BRD10: variants seen among roughly 807,000 people sequenced by gnomAD.
BRD10 encodes uncharacterized bromodomain-containing protein 10.
At chr9:5,911,341 T>A in the BRD10 span, among the ~76,000 whole-genome samples, 2 of 151,812 alleles carry the variant, frequency 1.3e-5, no homozygotes, top group African/African-American at 2.4e-5. Flanking sequence ...TTGTTGAAAA[T>A]GAGCTCACTG....
chr9:5,895,516 A>C, the BRD10 span, among the ~76,000 whole-genome samples: 1 of 152,224 alleles, frequency 6.6e-6, no homozygotes, highest in Non-Finnish European at 1.5e-5. Flanking sequence ...GGAATGAAGA[A>C]GAATGATGCA....
chr9:5,923,092 A>T, the BRD10 span: 1 of 1,614,002 alleles, frequency 6.2e-7, no homozygotes, highest in Non-Finnish European at 8.5e-7. Context: ...CAATCTGCAC[A>T]TCACTTTCTA....
the BRD10 span, chr9:5,881,461 C>G: frequency 6.6e-6 from 1 of 152,290 alleles, no homozygotes; most frequent in Non-Finnish European, 1.5e-5. Context: ...ACTTTCCTAA[C>G]CCCTTTAGTT....
At chr9:5,932,657 G>T in the BRD10 span, among the ~76,000 whole-genome samples, 1 of 152,018 alleles carries the variant, frequency 6.6e-6, no homozygotes, top group Admixed American at 6.6e-5. Flanking sequence ...TATGAAGGTG[G>T]GGTCCTGGAA....
At chr9:5,983,418 T>C in the BRD10 span, among the ~76,000 whole-genome samples, 3 of 152,168 alleles carry the variant, frequency 2.0e-5, no homozygotes, top group African/African-American at 7.2e-5. Context: ...CAATGTCTAA[T>C]TTCCAATAAA....
chr9:5,965,038 C>T, the BRD10 span, among the ~76,000 whole-genome samples: 2 of 134,188 alleles, frequency 1.5e-5, no homozygotes, highest in Non-Finnish European at 3.2e-5. Context: ...CACATGTACC[C>T]TAAAACTTAA....
At chr9:5,989,157 A>C in the BRD10 span, among the ~76,000 whole-genome samples, 1 of 143,540 alleles carries the variant, frequency 7.0e-6, no homozygotes, top group South Asian at 2.4e-4. Flanking sequence ...TTGAACCAGG[A>C]GGAGGCAGAG....
chr9:5,922,284 A>T, the BRD10 span: 1 of 1,613,842 alleles, frequency 6.2e-7, no homozygotes, highest in Admixed American at 1.7e-5. Context: ...GTTGTTGTTG[A>T]TGACAGAGGC....
chr9:5,983,290 AG>A, the BRD10 span, among the ~76,000 whole-genome samples: 2 of 152,192 alleles, frequency 1.3e-5, no homozygotes, highest in African/African-American at 2.4e-5. Context: ...ACCCTAAAAC[AG>A]CTTAAAACCT....
At chr9:5,913,453 A>G in the BRD10 span, among the ~76,000 whole-genome samples, 2 of 152,240 alleles carry the variant, frequency 1.3e-5, no homozygotes, top group African/African-American at 4.8e-5. Context: ...AGAAGGAAAT[A>G]ATGGGTTGTT....
the BRD10 span, among the ~76,000 whole-genome samples, chr9:5,987,345 A>G: frequency 6.6e-6 from 1 of 152,286 alleles, no homozygotes; most frequent in South Asian, 2.1e-4. Context: ...GGTGGTGACC[A>G]GTAGTGGAGA....
the BRD10 span, among the ~76,000 whole-genome samples, chr9:5,906,454 T>C: frequency 6.6e-6 from 1 of 152,276 alleles, no homozygotes. Context: ...TTTCTTTTTC[T>C]CTAAAGAACT....
At chr9:5,893,561 G>A in the BRD10 span, among the ~76,000 whole-genome samples, 4 of 152,052 alleles carry the variant, frequency 2.6e-5, no homozygotes, top group South Asian at 6.2e-4. Context: ...TGAGGGCGGC[G>A]GTATCTTCTC....
the BRD10 span, among the ~76,000 whole-genome samples, chr9:5,930,369 T>TTATATATA: frequency 3.6e-4 from 49 of 135,530 alleles, no homozygotes; most frequent in East Asian, 9.2e-3. Context: ...TATAAGGAGA[T>TTATATATA]TATATATATA....
At chr9:5,925,317 C>A in the BRD10 span, among the ~76,000 whole-genome samples, 1 of 149,832 alleles carries the variant, frequency 6.7e-6, no homozygotes, top group South Asian at 2.1e-4. Flanking sequence ...CAAGATCATG[C>A]CACTGCAGTC....
At chr9:5,958,367 C>T in the BRD10 span, among the ~76,000 whole-genome samples, 4 of 152,142 alleles carry the variant, frequency 2.6e-5, no homozygotes, top group African/African-American at 9.7e-5. Context: ...TGATTATCAT[C>T]CCCCTTTCAG....
the BRD10 span, among the ~76,000 whole-genome samples, chr9:5,911,403 G>GTT: frequency 2.4e-4 from 22 of 92,598 alleles, no homozygotes; most frequent in Non-Finnish European, 1.3e-4. Flanking sequence ...TGGTCTATGT[G>GTT]TGTTTTTTTT....
chr9:5,988,235 T>C, the BRD10 span: 2 of 726,260 alleles, frequency 2.8e-6, no homozygotes, highest in East Asian at 2.6e-5. Flanking sequence ...TATGAATTCA[T>C]ACTTTTGTAA....
At chr9:6,006,096 T>A in the BRD10 span, among the ~76,000 whole-genome samples, 1 of 152,218 alleles carries the variant, frequency 6.6e-6, no homozygotes, top group Non-Finnish European at 1.5e-5. Context: ...ACAAGTATAA[T>A]GCCGTTTCAG....
Sources: gnomAD v4.1 joint callset for allele counts (sites outside exome capture counted in the v4.1 genomes callset) on GRCh38, gnomAD v4.1.1 for gene constraint, MANE v1.5 for transcripts, NCBI Gene and HGNC (gene_info 2026-07-23, HGNC 2026-07-21) for gene names.